The following PCDH9 variants were observed in gnomAD, a reference collection of about 807,000 sequenced individuals.
PCDH9 encodes the protein protocadherin 9, also known as protocadherin-9.
In PCDH9, 24 loss-of-function variants were observed where a neutral mutation model predicts 70.6. That is an observed-to-expected ratio of 0.34 (90% CI 0.25 to 0.48). PCDH9 has a LOEUF of 0.48. Ranked by LOEUF, PCDH9 falls within the 20% of genes least tolerant of loss-of-function variation. The pLI, the probability that PCDH9 is intolerant of heterozygous loss-of-function variation, is 0.99. For synonymous variants in PCDH9, 562 were observed against 558.5 expected, an observed-to-expected ratio of 1.01 and a Z score of -0.09; for missense variants, 1,281 against 1,503.6, an observed-to-expected ratio of 0.85 and a Z score of 2.45.
chr13:66,804,360 T>A (rs940989394), intron 3 of PCDH9, among the ~76,000 whole-genome samples: 24 of 152,214 alleles, frequency 1.6e-4, no homozygotes, highest in African/African-American at 5.8e-4. Flanking sequence ...ACTGGTCATT[T>A]GGCATAAACA....
At chr13:66,846,208 G>A (rs974300461) in intron 3 of PCDH9, among the ~76,000 whole-genome samples, 3 of 150,088 alleles carry the variant, frequency 2.0e-5, no homozygotes, top group Non-Finnish European at 3.0e-5. Flanking sequence ...ACAGGATACT[G>A]GTATATATTT....
At chr13:67,137,314 A>G (rs1308289806) in intron 2 of PCDH9, among the ~76,000 whole-genome samples, 3 of 152,182 alleles carry the variant, frequency 2.0e-5, no homozygotes. Context: ...ACTGGGTGGT[A>G]AACTATTTAA....
In PCDH9 at chr13:67,089,056, GTGAAGTTTTAAGGT is replaced by G. The variant is rs367546038; in HGVS notation, c.3036+136335_3036+136348del. 4.4e-3 allele frequency among the ~76,000 whole-genome samples: 674 copies of G among 152,050 alleles called. 3 individuals carry two copies. Among genetic ancestry groups the G allele is most frequent in the African/African-American group, 0.015 (629 of 41,516 alleles). ...GCCTTCATCAAAATTTTTTCACCCA[GTGAAGTTTTAAGGT>G]TATTTCTGACTACACATATCAAAAT... is the stretch of plus-strand genomic sequence containing the variant. On this transcript the variant is annotated intron_variant, in intron 2 of 4. Transcript: ENST00000377865.
intron 4 of PCDH9, among the ~76,000 whole-genome samples, chr13:66,586,377 G>A (rs915404638): frequency 2.6e-5 from 4 of 152,050 alleles, no homozygotes; most frequent in African/African-American, 9.7e-5. Context: ...TCCAAGCAAT[G>A]GTTTTTTGAA....
intron 4 of PCDH9, among the ~76,000 whole-genome samples, chr13:66,421,399 AGGAAAAAATG>A: frequency 6.6e-6 from 1 of 152,328 alleles, no homozygotes; most frequent in Admixed American, 6.5e-5. Context: ...GTTGATATGA[AGGAAAAAATG>A]TTAAGGGCAG....
Position 66,304,559 on chromosome 13 carries a change from G to T in PCDH9, c.*96C>A. The T allele has an allele frequency of 1.1e-6, 1 of 929,558 alleles. No homozygotes were observed. Among genetic ancestry groups the T allele is most frequent in the Non-Finnish European group, 1.7e-6 (1 of 597,380 alleles). The allele number at this position is 929,558 out of a possible 1,614,324, so 57.6% of individuals were successfully genotyped here. On this transcript the variant is annotated 3_prime_UTR_variant, in exon 5 of 5. Transcript: ENST00000377865. ...AAGTTATAGGTATCCCTGCTAGAAG[G>T]GGCATAGTTGTAGAGATCTATTGAA...
intron 4 of PCDH9, among the ~76,000 whole-genome samples, chr13:66,586,915 T>C (rs2076970197): frequency 1.3e-5 from 2 of 152,130 alleles, no homozygotes; most frequent in Admixed American, 1.3e-4. Context: ...TAAAAGTAAG[T>C]AGATTTTATT....
At chr13:67,145,549 C>A (rs2087502601) in intron 2 of PCDH9, among the ~76,000 whole-genome samples, 1 of 151,854 alleles carries the variant, frequency 6.6e-6, no homozygotes, top group South Asian at 2.1e-4. Context: ...TTATTATAAT[C>A]CACATTATAG....
intron 3 of PCDH9, among the ~76,000 whole-genome samples, chr13:66,779,858 T>TATATAG (rs2079965433): frequency 1.6e-5 from 1 of 63,040 alleles, no homozygotes; most frequent in Non-Finnish European, 3.1e-5. Context: ...TCTATATATA[T>TATATAG]ATATATATAC....
intron 3 of PCDH9, among the ~76,000 whole-genome samples, chr13:66,861,914 T>G (rs2081491014): frequency 6.6e-6 from 1 of 152,156 alleles, no homozygotes. Flanking sequence ...AAAAAAAATA[T>G]TGTTATACAT....
In PCDH9 at chr13:66,631,235, T is replaced by C; in HGVS notation, c.3315A>G (p.Ala1105=). 6.2e-7 allele frequency: 1 copy of C among 1,605,318 alleles called. No homozygotes were observed. The highest frequency in any genetic ancestry group is 8.5e-7 in the Non-Finnish European group (1 of 1,171,934). ...CAGAGTTGGGATCAGAGTTGCCATC[T>C]GCTTCAGTCCTCTTGTCCGGAGAGG... ...DQASPDKRTE[A]DGNSDPNSDG... Residue 1105 remains alanine, a synonymous_variant, in exon 4 of 5, where the codon GCA becomes GCG. Transcript: ENST00000377865.
chr13:66,314,946 G>A (rs1225036386), intron 4 of PCDH9, among the ~76,000 whole-genome samples: 1 of 152,198 alleles, frequency 6.6e-6, no homozygotes, highest in African/African-American at 2.4e-5. Flanking sequence ...AAAAGAGATT[G>A]TTGGTAGGCC....
chr13:66,461,555 A>G (rs1159096047), intron 4 of PCDH9, among the ~76,000 whole-genome samples: 2 of 151,788 alleles, frequency 1.3e-5, no homozygotes, highest in Non-Finnish European at 2.9e-5. Context: ...CTGCAAAAAA[A>G]AAAAGAAAAT....
intron 2 of PCDH9, chr13:67,208,366 T>C (rs2089399187): frequency 6.6e-6 from 1 of 152,218 alleles, no homozygotes; most frequent in African/African-American, 2.4e-5. Context: ...CAAATGACCA[T>C]ATATTTGTTG....
At chr13:66,751,931 C>T (rs2079465837) in intron 3 of PCDH9, among the ~76,000 whole-genome samples, 1 of 152,026 alleles carries the variant, frequency 6.6e-6, no homozygotes, top group Admixed American at 6.6e-5. Context: ...TAACAAGAAA[C>T]ATGTAAATGA....
chr13:67,037,593 C>T (rs2085035199), intron 2 of PCDH9, among the ~76,000 whole-genome samples: 1 of 152,072 alleles, frequency 6.6e-6, no homozygotes, highest in Non-Finnish European at 1.5e-5. Context: ...CAGGAATTTT[C>T]AGGTTTATGT....
At chr13:66,755,993 A>T (rs2079533389) in intron 3 of PCDH9, among the ~76,000 whole-genome samples, 1 of 152,116 alleles carries the variant, frequency 6.6e-6, no homozygotes, top group Non-Finnish European at 1.5e-5. Flanking sequence ...ATTAATAATG[A>T]TTGCCCAGTA....
At chr13:67,003,256 G>A (rs2084281254) in intron 2 of PCDH9, among the ~76,000 whole-genome samples, 1 of 151,972 alleles carries the variant, frequency 6.6e-6, no homozygotes, top group Non-Finnish European at 1.5e-5. Context: ...TATGTCAAAA[G>A]CGACTTTACA....
intron 4 of PCDH9, chr13:66,323,390 T>C (rs1032300242): frequency 3.3e-5 from 5 of 152,008 alleles, no homozygotes; most frequent in Non-Finnish European, 5.9e-5. Flanking sequence ...TAAGGAATAA[T>C]GGCAGAAGAA....
Sources: allele counts gnomAD v4.1 joint callset (sites outside exome capture counted in the v4.1 genomes callset), GRCh38; gene constraint gnomAD v4.1.1; transcripts MANE v1.5; gene names NCBI Gene and HGNC (gene_info 2026-07-23, HGNC 2026-07-21).